The following TPO variants were observed in gnomAD, a reference collection of about 807,000 sequenced individuals.
TPO encodes thyroid microsomal antigen.
TPO carries 78 observed loss-of-function variants against 96.9 expected under a neutral mutation model. The ratio of observed to expected loss-of-function variants is 0.81; its 90% confidence interval spans 0.67 to 0.97. TPO has a LOEUF of 0.97. Among genes scored for constraint, TPO ranks in the 50% least tolerant of loss-of-function variants. The pLI is 0.00. For missense variants in TPO, 1,252 were observed against 1,274.8 expected (o/e 0.98, Z 0.27); for synonymous variants, 547 against 538.0 (o/e 1.02, Z -0.23).
intron 15 of TPO, among the ~76,000 whole-genome samples, chr2:1,526,156 C>G (rs1466436623): frequency 1.1e-5 from 1 of 94,202 alleles, no homozygotes; most frequent in Non-Finnish European, 2.1e-5. Context: ...GTGCAAACCT[C>G]CAAATCCCCC....
At chr2:1,420,456 AT>A (rs1663397254) in intron 2 of TPO, among the ~76,000 whole-genome samples, 4 of 152,014 alleles carry the variant, frequency 2.6e-5, no homozygotes, top group Non-Finnish European at 5.9e-5. Context: ...GACAGAGCTA[AT>A]TTTTTTTCTG....
rs374611569 is a variant in TPO at position 1,541,965 on chromosome 2, A to G, written c.2749-456A>G. The G allele has an allele frequency of 4.2e-4, 86 of 202,496 alleles. 3 individuals are homozygous for G. The South Asian group carries it at 8.3e-3, about 20-fold the overall frequency. 12.5% of individuals were successfully genotyped at this position (202,496 alleles called of 1,614,324 possible). A position where few individuals can be genotyped will look rare whatever the true frequency, so the allele number is the denominator to read the frequency against. On this transcript the variant is annotated intron_variant, in intron 16 of 16. Coordinates refer to ENST00000329066, the MANE Select transcript of TPO (RefSeq NM_001206744.2). ...TCGTCTTTGCACCTGGCTCCCACGCATGGAACCAAAAGGACCTGGCCTGGA... is the reference window on the plus strand; with the variant it reads ...TCGTCTTTGCACCTGGCTCCCACGCGTGGAACCAAAAGGACCTGGCCTGGA...
chr2:1,532,956 C>G (rs1678659834), intron 15 of TPO, among the ~76,000 whole-genome samples: 1 of 115,492 alleles, frequency 8.7e-6, no homozygotes, highest in African/African-American at 3.8e-5. Context: ...CTCCTCAAAT[C>G]CCCCCACTGT....
At chr2:1,442,727 A>C (rs2148528739) in intron 5 of TPO, among the ~76,000 whole-genome samples, 1 of 152,334 alleles carries the variant, frequency 6.6e-6, no homozygotes, top group African/African-American at 2.4e-5. Context: ...TTAGTTTCTC[A>C]AATTCTCTGC....
chr2:1,506,134 G>T (rs962385326), intron 14 of TPO, among the ~76,000 whole-genome samples: 1 of 151,996 alleles, frequency 6.6e-6, no homozygotes, highest in Admixed American at 6.6e-5. Flanking sequence ...AGAACATGCG[G>T]TGTTTGGTTT....
chr2:1,493,218 G>GGGGT (rs1553321318), intron 10 of TPO, among the ~76,000 whole-genome samples: 2 of 106,366 alleles, frequency 1.9e-5, no homozygotes, highest in African/African-American at 3.3e-5. Flanking sequence ...GTGGGGGGGG[G>GGGGT]GGTGCTGGCT....
intron 5 of TPO, among the ~76,000 whole-genome samples, chr2:1,442,130 C>T (rs1423465616): frequency 6.6e-6 from 1 of 152,218 alleles, no homozygotes; most frequent in Non-Finnish European, 1.5e-5. Context: ...GATTGTGAGG[C>T]CTCCACGTGG....
intron 2 of TPO, among the ~76,000 whole-genome samples, chr2:1,420,289 T>C (rs886973410): frequency 1.1e-4 from 16 of 152,204 alleles, no homozygotes; most frequent in Admixed American, 1.0e-3. Context: ...TAGAGAAGGA[T>C]AAGCATGTTT....
At chr2:1,434,638 C>T (rs557642166) in intron 4 of TPO, among the ~76,000 whole-genome samples, 3 of 152,270 alleles carry the variant, frequency 2.0e-5, no homozygotes, top group Non-Finnish European at 4.4e-5. Context: ...CTGGTCCATG[C>T]CTTAGAGCCA....
chr2:1,474,448 G>A (rs1018560410), intron 7 of TPO, among the ~76,000 whole-genome samples: 4 of 152,008 alleles, frequency 2.6e-5, no homozygotes, highest in African/African-American at 2.4e-5. Context: ...CAAAAGTTTC[G>A]CTGACTCTGT....
chr2:1,522,021 G>A (rs1290957722), intron 15 of TPO, among the ~76,000 whole-genome samples: 1 of 152,030 alleles, frequency 6.6e-6, no homozygotes, highest in Non-Finnish European at 1.5e-5. Flanking sequence ...CCACTTCTGA[G>A]CAAGTATAGG....
At chr2:1,501,711 G>A (rs1672891966) in intron 13 of TPO, among the ~76,000 whole-genome samples, 1 of 152,126 alleles carries the variant, frequency 6.6e-6, no homozygotes, top group Admixed American at 6.5e-5. Flanking sequence ...TGAAGACCCA[G>A]GATGGAAATA....
At chr2:1,485,154 G>A (rs193160155) in intron 9 of TPO, among the ~76,000 whole-genome samples, 65 of 151,994 alleles carry the variant, frequency 4.3e-4, no homozygotes, top group Non-Finnish European at 7.1e-4. Context: ...AACATGCGGT[G>A]TTTGGTTTTC....
intron 5 of TPO, chr2:1,439,107 G>A (rs902976049): frequency 7.3e-5 from 31 of 427,060 alleles, no homozygotes; most frequent in East Asian, 3.7e-4. Flanking sequence ...GGCCTCAGCC[G>A]GCAGCAGTGA....
chr2:1,504,970 G>C (rs982555977), intron 14 of TPO, among the ~76,000 whole-genome samples: 1 of 152,176 alleles, frequency 6.6e-6, no homozygotes, highest in Non-Finnish European at 1.5e-5. Flanking sequence ...GTCCAGCCAG[G>C]GCGGAGAGGG....
chr2:1,505,360 C>A, intron 14 of TPO, among the ~76,000 whole-genome samples: 1 of 148,984 alleles, frequency 6.7e-6, no homozygotes, highest in East Asian at 2.0e-4. Context: ...GGCACACACC[C>A]CCACCCCCGT....
chr2:1,479,425 C>A (rs1041047221), intron 8 of TPO, among the ~76,000 whole-genome samples: 1 of 152,184 alleles, frequency 6.6e-6, no homozygotes, highest in Non-Finnish European at 1.5e-5. Flanking sequence ...TTCTGGAAGT[C>A]CTGCCCCTTC....
intron 7 of TPO, among the ~76,000 whole-genome samples, chr2:1,464,118 G>A (rs971758274): frequency 3.3e-5 from 5 of 152,082 alleles, no homozygotes; most frequent in Non-Finnish European, 7.3e-5. Context: ...CCATAGCTGA[G>A]GTGTCACTTA....
upstream of TPO, among the ~76,000 whole-genome samples, chr2:1,411,412 C>T (rs1366660264): frequency 2.0e-5 from 3 of 152,286 alleles, no homozygotes; most frequent in South Asian, 4.1e-4. Context: ...AGGTCTCCAT[C>T]GGCACTCGGC....
Sources: gnomAD v4.1 joint callset for allele counts (sites outside exome capture counted in the v4.1 genomes callset) on GRCh38, gnomAD v4.1.1 for gene constraint, MANE v1.5 for transcripts, NCBI Gene and HGNC (gene_info 2026-07-23, HGNC 2026-07-21) for gene names.